TAOK2: variants seen among roughly 807,000 people sequenced by gnomAD.
The protein encoded by TAOK2 is serine/threonine-protein kinase TAO2.
Under a neutral mutation model 122.5 loss-of-function variants are expected in TAOK2, and 42 were observed. The ratio of observed to expected loss-of-function variants is 0.34; its 90% CI spans 0.27 to 0.44. The LOEUF (loss-of-function observed/expected upper bound fraction) is 0.44. Among genes scored for constraint, TAOK2 ranks in the 20% least tolerant of loss-of-function variants. The probability of loss-of-function intolerance (pLI) is 1.00; values close to 1 mark genes in which losing one functional copy is unlikely to be tolerated. For synonymous variants in TAOK2, 704 were observed against 677.6 expected (o/e 1.04, Z -0.61); for missense variants, 1,264 against 1,644.9 (o/e 0.77, Z 4.01).
intron 1 of TAOK2, among the ~76,000 whole-genome samples, chr16:29,977,341 C>G (rs2069486414): frequency 2.6e-5 from 4 of 152,136 alleles, no homozygotes; most frequent in Admixed American, 2.6e-4. Flanking sequence ...AGAAAGGTGC[C>G]TGGAAACAGT....
chr16:29,989,595 T>G, downstream of TAOK2: 1 of 1,613,932 alleles, frequency 6.2e-7, no homozygotes, highest in Non-Finnish European at 8.5e-7. Flanking sequence ...CTGCATAGTC[T>G]AAGGAGCTGC....
Position 29,987,617 on chromosome 16 carries a change from C to A in TAOK2, c.3345C>A (p.Tyr1115Ter). ...AVGDRGLFAL[Y>*]PKTNKDGFRS... Reference sequence around the variant, plus strand: ...GGGACCGGGGTCTGTTTGCACTGTACCCCAAAACCAACAAGGATGGCTTCC... The same window carrying A: ...GGGACCGGGGTCTGTTTGCACTGTAACCCAAAACCAACAAGGATGGCTTCC... The change falls in exon 16 of 16, where the codon TAC (tyrosine) becomes TAA (stop). Residue 1115 changes from tyrosine (Y) to a stop codon, truncating the protein, a stop_gained. Coordinates refer to ENST00000308893, the MANE Select transcript of TAOK2 (RefSeq NM_016151.4). LOFTEE classifies it high-confidence loss of function. 1.2e-6 allele frequency: 2 copies of A among 1,612,904 alleles called. No individual in the cohort carries two copies. The highest frequency in any genetic ancestry group is 1.7e-6 in the Non-Finnish European group (2 of 1,179,270).
downstream of TAOK2, chr16:29,991,165 C>G (rs2069959478): frequency 6.2e-7 from 1 of 1,611,346 alleles, no homozygotes; most frequent in Non-Finnish European, 8.5e-7. This position sits in a 1 kb window ranked among gnomAD's most constrained non-coding sequence, Gnocchi z 5.6. Context: ...CTGGGCTTCT[C>G]CAGCATGGCT....
Position 29,986,637 on chromosome 16 carries a change from C to T in TAOK2, c.2365C>T (p.Leu789Phe), listed in dbSNP as rs748086166. The change falls in exon 16 of 16, where the codon CTT (leucine) becomes TTT (phenylalanine). Residue 789 changes from leucine to phenylalanine, a missense_variant. By Grantham distance (22) the Leu-to-Phe change is conservative. Transcript: ENST00000308893. This position sits in a 1 kb window ranked among gnomAD's most constrained non-coding sequence, Gnocchi z 4.2. ...GQEAVLDQRM[L>F]GEEEEAVGER... The stretch of plus-strand genomic sequence containing the variant: ...GGAGGCAGTCCTGGACCAAAGAATG[C>T]TTGGCGAGGAGGAGGAAGCAGTTGG... The T allele has an allele frequency of 2.5e-6, 4 of 1,611,496 alleles. No homozygotes were observed. In the South Asian group the frequency reaches 4.4e-5, roughly 18 times the overall value.
At chr16:29,990,945 G>A, downstream of TAOK2, 1 of 1,612,634 alleles carries the variant, frequency 6.2e-7, no homozygotes, top group Non-Finnish European at 8.5e-7. Flanking sequence ...TCGCGCTGCG[G>A]CGGGCACTGC....
intron 4 of TAOK2, 148 bp from the exon 5 acceptor site, chr16:29,978,651 C>T: frequency 1.1e-6 from 1 of 871,452 alleles, no homozygotes; most frequent in Non-Finnish European, 1.8e-6. Context: ...ACTCTAGAAA[C>T]TCTCCCACCA....
At chr16:29,978,500 G>T (rs2069524078) in intron 4 of TAOK2, 147 bp downstream of exon 4, 2 of 913,968 alleles carry the variant, frequency 2.2e-6, no homozygotes, top group East Asian at 5.2e-5. Flanking sequence ...TTAGTCCTCA[G>T]ACATACCCAC....
Position 29,979,999 on chromosome 16 carries a change from G to C in TAOK2, c.655+491G>C, listed in dbSNP as rs1468014644. 6.6e-6 allele frequency among the ~76,000 whole-genome samples: 1 copy of C among 152,218 alleles called. No homozygotes were observed. The highest frequency in any genetic ancestry group is 1.5e-5 in the Non-Finnish European group (1 of 68,044). On this transcript the variant is annotated intron_variant, in intron 8 of 15. Transcript: ENST00000308893. The surrounding 1 kb of genome is among the most constrained non-coding windows in gnomAD (Gnocchi z 4.1). The stretch of plus-strand genomic sequence containing the variant: ...CCAACCTGCAAGATAAATAATAGCT[G>C]TTTGCAGAATGTAGGGAAGAGCTTT...
chr16:29,991,657 G>T (rs1002642958), downstream of TAOK2: 66 of 1,379,410 alleles, frequency 4.8e-5, no homozygotes, highest in Non-Finnish European at 6.0e-5. The surrounding 1 kb of genome is among the most constrained non-coding windows in gnomAD (Gnocchi z 5.6). Flanking sequence ...GCCCCTGCAA[G>T]GGTAGGGGAC....
downstream of TAOK2, chr16:29,991,571 T>A (rs1265704324): frequency 6.8e-6 from 10 of 1,463,834 alleles, no homozygotes; most frequent in Admixed American, 2.2e-4. The surrounding 1 kb of genome is among the most constrained non-coding windows in gnomAD (Gnocchi z 5.6). Context: ...ATTCCTGAGG[T>A]GCAGCGGGGA....
chr16:29,985,901 G>A lies in TAOK2; in HGVS notation c.1992+40G>A, dbSNP rs1400772117. On this transcript the variant is annotated intron_variant, in intron 15 of 15. Coordinates refer to ENST00000308893, the MANE Select transcript of TAOK2 (RefSeq NM_016151.4). The surrounding 1 kb of genome is among the most constrained non-coding windows in gnomAD (Gnocchi z 6.9). ...CTCTGTTCCCCTCCCGCTCACTCGT[G>A]GATCCCAGGGACCCACCCTTTTCCA... The A allele has an allele frequency of 1.3e-6, 2 of 1,588,984 alleles. No homozygotes were observed. The highest frequency in any genetic ancestry group is 1.3e-5 in the African/African-American group (1 of 74,378).
At chr16:29,976,919 T>G (rs912541910) in intron 1 of TAOK2, among the ~76,000 whole-genome samples, 1 of 152,232 alleles carries the variant, frequency 6.6e-6, no homozygotes, top group Non-Finnish European at 1.5e-5. Context: ...GACAAGGCAC[T>G]TAACCTTGCT....
At position 29,987,002 on chromosome 16, in the gene TAOK2, G is replaced by A. The variant is rs1311865429; in HGVS notation, c.2730G>A (p.Pro910=). Residue 910 remains proline, a synonymous_variant, in exon 16 of 16, where the codon CCG becomes CCA. Transcript: ENST00000308893. ...EEEEEEEEGA[P]IGTPRDPGDG... ...AGGAAGAAGAGGAAGAGGGGGCTCC[G>A]ATTGGGACCCCTAGGGATCCTGGAG... 26 of 1,612,958 alleles carry A rather than the reference G, an allele frequency of 1.6e-5. No individual in the cohort carries two copies. The highest frequency in any genetic ancestry group is 2.7e-5 in the African/African-American group (2 of 74,978).
Position 29,983,529 on chromosome 16 carries a change from C to T in TAOK2, c.1287C>T (p.Pro429=). 3 of 1,613,382 alleles carry T rather than the reference C, an allele frequency of 1.9e-6. No homozygotes were observed. The highest frequency in any genetic ancestry group is 2.5e-6 in the Non-Finnish European group (3 of 1,179,590). The change falls in exon 13 of 16, where the codon CCC becomes CCT. Residue 429 remains proline (P), a synonymous_variant. Coordinates refer to ENST00000308893, the MANE Select transcript of TAOK2 (RefSeq NM_016151.4). ...GCTCTGACAACCTATATGATGACCC[C>T]TACCAGCCAGAGATAACCCCCAGCC... The part of the protein sequence containing the change: ...LPGSDNLYDD[P]YQPEITPSPL...
At chr16:29,990,050 AG>A, downstream of TAOK2, 1 of 462,368 alleles carries the variant, frequency 2.2e-6, no homozygotes, top group South Asian at 2.8e-5. Flanking sequence ...AGAACCACCA[AG>A]GAAAAGAGTG....
At chr16:29,975,223 T>C (rs2069417988) in intron 1 of TAOK2, among the ~76,000 whole-genome samples, 2 of 152,216 alleles carry the variant, frequency 1.3e-5, no homozygotes, top group Non-Finnish European at 1.5e-5. Context: ...CTCATCCATT[T>C]GTCAAACGAT....
In TAOK2 at chr16:29,986,997, G is replaced by T. The variant is rs754726955; in HGVS notation, c.2725G>T (p.Ala909Ser). Residue 909 changes from alanine to serine, a missense_variant, in exon 16 of 16, where the codon GCT becomes TCT. By Grantham distance (99) the Ala-to-Ser change is moderately conservative (BLOSUM62 1). Coordinates refer to ENST00000308893, the MANE Select transcript of TAOK2 (RefSeq NM_016151.4). The surrounding 1 kb of genome is among the most constrained non-coding windows in gnomAD (Gnocchi z 4.2). ...PEEEEEEEEG[A>S]PIGTPRDPGD... is the part of the protein sequence containing the mutation. ...GGAGGAGGAAGAAGAGGAAGAGGGG[G>T]CTCCGATTGGGACCCCTAGGGATCC... The T allele has an allele frequency of 1.2e-6, 2 of 1,613,020 alleles. No homozygotes were observed. The highest frequency in any genetic ancestry group is 1.7e-6 in the Non-Finnish European group (2 of 1,179,472).
At chr16:29,981,384 G>A (rs1335844310) in intron 8 of TAOK2, 5 of 595,438 alleles carry the variant, frequency 8.4e-6, no homozygotes, top group African/African-American at 7.4e-5. Context: ...ATTAGTTGGG[G>A]TGATAACTGA....
chr16:29,982,700 G>A (rs1228126734), intron 10 of TAOK2, 34 bp from the exon 11 acceptor site: 7 of 1,595,474 alleles, frequency 4.4e-6, no homozygotes, highest in Admixed American at 1.7e-5. Context: ...GGGAAGGGGA[G>A]TTGGCAGCAG....
Sources: allele counts gnomAD v4.1 joint callset (sites outside exome capture counted in the v4.1 genomes callset), GRCh38; gene constraint gnomAD v4.1.1; non-coding constraint Gnocchi (gnomAD v3.1); transcripts MANE v1.5; gene names NCBI Gene and HGNC (gene_info 2026-07-23, HGNC 2026-07-21).